FOXJ3: variants seen among roughly 807,000 people sequenced by gnomAD.
FOXJ3 encodes forkhead box protein J3.
FOXJ3 carries 22 observed loss-of-function variants against 76.1 expected under a neutral mutation model. The observed-to-expected ratio is 0.29, with a 90% CI of 0.21 to 0.41. FOXJ3 has a LOEUF of 0.41. FOXJ3 is among the 10% of genes least tolerant of loss of function. The pLI is 1.00. For synonymous variants in FOXJ3, 269 were observed against 261.2 expected (o/e 1.03, Z -0.29); for missense variants, 613 against 762.1 (o/e 0.80, Z 2.30).
intron 1 of FOXJ3, among the ~76,000 whole-genome samples, chr1:42,323,229 A>G (rs1655537545): frequency 6.6e-6 from 1 of 152,196 alleles, no homozygotes; most frequent in Admixed American, 6.5e-5. Flanking sequence ...TAATTAAAGA[A>G]GATTGAGATA....
chr1:42,311,671 T>C (rs1458079394), intron 1 of FOXJ3, among the ~76,000 whole-genome samples: 1 of 152,064 alleles, frequency 6.6e-6, no homozygotes, highest in East Asian at 1.9e-4. Context: ...GTAGTAGTAG[T>C]AGTAGTAAAG....
chr1:42,234,790 A>G (rs995807478), intron 4 of FOXJ3, among the ~76,000 whole-genome samples: 4 of 152,066 alleles, frequency 2.6e-5, no homozygotes, highest in Admixed American at 6.5e-5. Context: ...TGGCCGTGTG[A>G]GGTGTCAGTG....
chr1:42,308,119 C>T (rs1274883863), intron 2 of FOXJ3, among the ~76,000 whole-genome samples: 1 of 152,222 alleles, frequency 6.6e-6, no homozygotes, highest in Non-Finnish European at 1.5e-5. Flanking sequence ...AAACTCCCAC[C>T]TGCCTATCCA....
chr1:42,252,491 C>T (rs983730886), intron 4 of FOXJ3, among the ~76,000 whole-genome samples: 18 of 151,922 alleles, frequency 1.2e-4, no homozygotes, highest in African/African-American at 4.4e-4. Flanking sequence ...TTTTTTATTG[C>T]GTCTATTTGA....
At chr1:42,302,434 C>A (rs1486809343) in intron 2 of FOXJ3, among the ~76,000 whole-genome samples, 1 of 152,370 alleles carries the variant, frequency 6.6e-6, no homozygotes, top group East Asian at 1.9e-4. Context: ...GAGACCAAGA[C>A]AGGTGGGTCC....
intron 1 of FOXJ3, among the ~76,000 whole-genome samples, chr1:42,332,697 C>A (rs1278136857): frequency 6.6e-6 from 1 of 152,200 alleles, no homozygotes; most frequent in African/African-American, 2.4e-5. Context: ...AATACCCCCT[C>A]ACCAATCCTA....
At chr1:42,274,591 A>C (rs180903963) in intron 3 of FOXJ3, among the ~76,000 whole-genome samples, 24 of 152,290 alleles carry the variant, frequency 1.6e-4, no homozygotes, top group African/African-American at 5.8e-4. Context: ...TTCACCTTTA[A>C]AATTTGGAAA....
intron 4 of FOXJ3, among the ~76,000 whole-genome samples, chr1:42,230,499 G>A (rs1296695856): frequency 1.3e-5 from 2 of 152,044 alleles, no homozygotes; most frequent in African/African-American, 2.4e-5. Context: ...ATTAATTTAT[G>A]TTTCATATAA....
chr1:42,323,734 C>G (rs900370224), intron 1 of FOXJ3: 2 of 964,332 alleles, frequency 2.1e-6, no homozygotes, highest in African/African-American at 3.5e-5. Context: ...CACAGGTACT[C>G]AAGAGATATA....
chr1:42,278,262 C>T (rs750190944), intron 3 of FOXJ3, 86 bp downstream of exon 3: 18 of 993,206 alleles, frequency 1.8e-5, no homozygotes, highest in Non-Finnish European at 2.5e-5. Flanking sequence ...TATTCAATTA[C>T]ATGAGCATTC....
intron 10 of FOXJ3, 44 bp downstream of exon 10, chr1:42,189,259 G>C: frequency 8.7e-7 from 1 of 1,146,652 alleles, no homozygotes; most frequent in Non-Finnish European, 1.3e-6. Context: ...AGAGAAACAG[G>C]ATCATGTGTA....
chr1:42,243,941 A>G (rs1303753342), intron 4 of FOXJ3, among the ~76,000 whole-genome samples: 2 of 152,200 alleles, frequency 1.3e-5, no homozygotes, highest in Admixed American at 1.3e-4. Context: ...AGTCTCAAAA[A>G]AATTTTAAAA....
chr1:42,237,399 T>C (rs1648741671), intron 4 of FOXJ3, among the ~76,000 whole-genome samples: 1 of 52,670 alleles, frequency 1.9e-5, no homozygotes, highest in Admixed American at 2.7e-4. Flanking sequence ...TATACATACA[T>C]ACATACATAT....
chr1:42,334,067 A>C lies in FOXJ3; in HGVS notation c.-18+992T>G, dbSNP rs1474059370. On this transcript the variant is annotated intron_variant, in intron 1 of 12. Coordinates refer to ENST00000361346, the MANE Select transcript of FOXJ3 (RefSeq NM_014947.5). ...GACAACACAGACGTGGAATGCACCA[A>C]CACGGAATAGTAAAACCTTTGCTAA... is the stretch of plus-strand genomic sequence containing the variant. 4 of 679,666 alleles carry C rather than the reference A, an allele frequency of 5.9e-6. No homozygotes were observed. The East Asian group carries it at 5.3e-4, about 91-fold the overall frequency. 42.1% of individuals were successfully genotyped at this position (679,666 alleles called of 1,614,324 possible).
chr1:42,274,818 T>C (rs1009001587), intron 3 of FOXJ3, among the ~76,000 whole-genome samples: 5 of 151,576 alleles, frequency 3.3e-5, no homozygotes, highest in Admixed American at 6.6e-5. Flanking sequence ...AGACTGATTC[T>C]ATAGGGAGAT....
intron 5 of FOXJ3, among the ~76,000 whole-genome samples, chr1:42,209,578 C>T (rs1569873427): frequency 6.6e-6 from 1 of 152,188 alleles, no homozygotes; most frequent in African/African-American, 2.4e-5. Context: ...GTGGGAAATG[C>T]CTTAACCCTA....
At chr1:42,237,401 C>CATATATAT (rs1648742265) in intron 4 of FOXJ3, among the ~76,000 whole-genome samples, 2 of 46,866 alleles carry the variant, frequency 4.3e-5, no homozygotes, top group South Asian at 1.2e-3. Context: ...TACATACATA[C>CATATATAT]ATACATATAT....
Position 42,185,253 on chromosome 1 carries a change from T to A in FOXJ3, c.1646-3229A>T, listed in dbSNP as rs899265938. Reference sequence around the variant, plus strand: ...GAAGTGTAGCCCTCAACATACTGAATTTTTTTTTTTTTTTTTTTTTTTGAG... The same window carrying A: ...GAAGTGTAGCCCTCAACATACTGAAATTTTTTTTTTTTTTTTTTTTTTGAG... On this transcript the variant is annotated intron_variant, in intron 11 of 12. Coordinates refer to ENST00000361346, the MANE Select transcript of FOXJ3 (RefSeq NM_014947.5). Among the ~76,000 whole-genome samples, 5 of 69,332 alleles carry A rather than the reference T, an allele frequency of 7.2e-5. No homozygotes were observed. In the East Asian group the frequency reaches 1.8e-3, roughly 25 times the overall value. The allele number at this position is 69,332 out of a possible 152,430, so 45.5% of individuals were successfully genotyped here. A position where few individuals can be genotyped will look rare whatever the true frequency, so the allele number is the denominator to read the frequency against.
Position 42,177,647 on chromosome 1 carries a change from G to A in FOXJ3, c.*2063C>T, listed in dbSNP as rs1020840356. 1 of 152,444 alleles carries A rather than the reference G, an allele frequency of 6.6e-6. No individual in the cohort carries two copies. The highest frequency in any genetic ancestry group is 1.5e-5 in the Non-Finnish European group (1 of 67,992). 9.4% of individuals were successfully genotyped at this position (152,444 alleles called of 1,614,324 possible). On this transcript the variant is annotated 3_prime_UTR_variant, in exon 13 of 13. Transcript: ENST00000361346. ...AACTGAGCTTCCTTTTTCATGCCAA[G>A]TAGGGTCCAAACAACAGAGAAACAT...
Sources: gnomAD v4.1 joint callset for allele counts (sites outside exome capture counted in the v4.1 genomes callset) on GRCh38, gnomAD v4.1.1 for gene constraint, MANE v1.5 for transcripts, NCBI Gene and HGNC (gene_info 2026-07-23, HGNC 2026-07-21) for gene names.